The following NRXN3 variants were observed in gnomAD, a reference collection of about 807,000 sequenced individuals.
NRXN3 encodes neurexin III.
NRXN3 carries 32 observed loss-of-function variants against 137.6 expected under a neutral mutation model. That is an observed-to-expected ratio of 0.23 (90% CI 0.18 to 0.31). The LOEUF is 0.31. Among genes scored for constraint, NRXN3 ranks in the 10% least tolerant of loss-of-function variants. The pLI is 1.00. For missense variants in NRXN3, 1,574 were observed against 2,062.5 expected, an observed-to-expected ratio of 0.76 and a Z score of 4.59; for synonymous variants, 798 against 784.5, an observed-to-expected ratio of 1.02 and a Z score of -0.29.
chr14:79,548,485 G>A (rs149271303), intron 16 of NRXN3, among the ~76,000 whole-genome samples: 4,005 of 152,208 alleles, frequency 0.026, 206 homozygotes, highest in East Asian at 0.24. Context: ...TGTGAACAGT[G>A]CTACAATAAA....
intron 15 of NRXN3, among the ~76,000 whole-genome samples, chr14:79,433,270 T>C (rs1183761326): frequency 2.0e-5 from 3 of 152,160 alleles, no homozygotes; most frequent in African/African-American, 7.2e-5. Context: ...AAGATGATTG[T>C]TACAGACTTG....
intron 2 of NRXN3, among the ~76,000 whole-genome samples, chr14:78,245,597 G>A (rs1296986113): frequency 6.6e-6 from 1 of 152,220 alleles, no homozygotes; most frequent in Non-Finnish European, 1.5e-5. Context: ...TGTGCTTGAT[G>A]TGAACCTTAG....
chr14:79,822,331 G>T (rs1407848439), intron 20 of NRXN3, among the ~76,000 whole-genome samples: 1 of 152,160 alleles, frequency 6.6e-6, no homozygotes, highest in Non-Finnish European at 1.5e-5. Flanking sequence ...GGACAATATG[G>T]TGAGTCTGCA....
Position 78,602,794 on chromosome 14 carries a change from A to C in NRXN3, c.758-42326A>C, listed in dbSNP as rs139510671. On this transcript the variant is annotated intron_variant, in intron 4 of 20. Coordinates refer to ENST00000335750, the MANE Select transcript of NRXN3 (RefSeq NM_001330195.2). ...TTGTGTCTTCAGAGTCCTTGATCAG[A>C]GATAACTTGGGGAAAGCTGTGTCTC... 3.6e-3 allele frequency among the ~76,000 whole-genome samples: 545 copies of C among 152,306 alleles called. 4 individuals carry two copies. Among genetic ancestry groups the C allele is most frequent in the African/African-American group, 0.012 (516 of 41,552 alleles).
At chr14:79,075,325 T>G (rs1259588783) in intron 15 of NRXN3, among the ~76,000 whole-genome samples, 1 of 152,204 alleles carries the variant, frequency 6.6e-6, no homozygotes, top group African/African-American at 2.4e-5. Context: ...TGATAAGAAC[T>G]TGAGTTTTGA....
chr14:78,484,534 G>A (rs2095531653), intron 4 of NRXN3, among the ~76,000 whole-genome samples: 1 of 152,054 alleles, frequency 6.6e-6, no homozygotes, highest in African/African-American at 2.4e-5. Flanking sequence ...TGGGGGAGAG[G>A]GGGCCTAGAA....
chr14:78,484,340 T>C (rs1488582945), intron 4 of NRXN3, among the ~76,000 whole-genome samples: 2 of 152,110 alleles, frequency 1.3e-5, no homozygotes, highest in Non-Finnish European at 1.5e-5. Flanking sequence ...CTACTACCCT[T>C]TTGAGAGGCA....
At chr14:79,626,977 A>T (rs1163137413) in intron 16 of NRXN3, among the ~76,000 whole-genome samples, 2 of 152,172 alleles carry the variant, frequency 1.3e-5, no homozygotes, top group African/African-American at 4.8e-5. Context: ...TCTGATCAGA[A>T]ATCTCGGGTG....
intron 10 of NRXN3, among the ~76,000 whole-genome samples, chr14:78,861,659 C>A (rs2099072701): frequency 6.6e-6 from 1 of 152,094 alleles, no homozygotes; most frequent in South Asian, 2.1e-4. Flanking sequence ...GAGAAACCAT[C>A]CATGTTCACT....
chr14:79,445,612 G>A (rs1290383829), intron 15 of NRXN3, among the ~76,000 whole-genome samples: 1 of 152,150 alleles, frequency 6.6e-6, no homozygotes, highest in African/African-American at 2.4e-5. Context: ...AGCTTTTCAG[G>A]AGATCACCCT....
chr14:78,334,445 A>G (rs1050050974), intron 4 of NRXN3, among the ~76,000 whole-genome samples: 1 of 152,010 alleles, frequency 6.6e-6, no homozygotes, highest in Non-Finnish European at 1.5e-5. Context: ...TGAGGTTCAT[A>G]CCTGGATGGG....
intron 15 of NRXN3, among the ~76,000 whole-genome samples, chr14:79,196,652 TATAG>T (rs997182063): frequency 7.7e-6 from 1 of 130,200 alleles, no homozygotes; most frequent in African/African-American, 2.7e-5. Context: ...GATAGATAGA[TATAG>T]ATATAGATTT....
At chr14:78,566,691 A>G (rs1283896894) in intron 4 of NRXN3, among the ~76,000 whole-genome samples, 1 of 151,872 alleles carries the variant, frequency 6.6e-6, no homozygotes, top group Non-Finnish European at 1.5e-5. Context: ...CTCCCATTTT[A>G]TCGAGTCCCT....
At chr14:79,671,464 G>T (rs1227290797) in intron 17 of NRXN3, among the ~76,000 whole-genome samples, 1 of 151,942 alleles carries the variant, frequency 6.6e-6, no homozygotes, top group Non-Finnish European at 1.5e-5. Flanking sequence ...TACATATTTG[G>T]CTTTATCTAT....
rs536399653 is a variant in NRXN3 at position 79,176,630 on chromosome 14, T to G, written c.3262+188489T>G. Reference sequence around the variant, plus strand: ...GTTCAGTCCTCTGCAAATGTACTTATGCTACTTCTTTCTCCTGAATTGCTT... The same window carrying G: ...GTTCAGTCCTCTGCAAATGTACTTAGGCTACTTCTTTCTCCTGAATTGCTT... On this transcript the variant is annotated intron_variant, in intron 15 of 20. Coordinates refer to ENST00000335750, the MANE Select transcript of NRXN3 (RefSeq NM_001330195.2). 2.0e-5 allele frequency among the ~76,000 whole-genome samples: 3 copies of G among 152,366 alleles called. No individual in the cohort carries two copies. In the East Asian group the frequency reaches 5.8e-4, roughly 29 times the overall value.
At chr14:78,538,622 T>C (rs1600131362) in intron 4 of NRXN3, among the ~76,000 whole-genome samples, 1 of 152,230 alleles carries the variant, frequency 6.6e-6, no homozygotes, top group Non-Finnish European at 1.5e-5. Context: ...TCCTGCCTGA[T>C]TGCCCTGGCC....
intron 10 of NRXN3, among the ~76,000 whole-genome samples, chr14:78,941,853 T>A (rs1198464056): frequency 1.3e-5 from 2 of 152,170 alleles, no homozygotes; most frequent in African/African-American, 4.8e-5. Flanking sequence ...ATCTTTGGGA[T>A]TGTCGAGTTA....
intron 4 of NRXN3, among the ~76,000 whole-genome samples, chr14:78,538,244 A>G (rs1242156212): frequency 1.3e-5 from 2 of 152,242 alleles, no homozygotes; most frequent in African/African-American, 4.8e-5. Context: ...CCTATCCATG[A>G]GCATGGAATG....
intron 10 of NRXN3, among the ~76,000 whole-genome samples, chr14:78,887,120 C>A (rs2099146001): frequency 6.6e-6 from 1 of 152,168 alleles, no homozygotes; most frequent in South Asian, 2.1e-4. Flanking sequence ...GCACTAACAA[C>A]TGTGTGCTCG....
Sources: gnomAD v4.1 joint callset for allele counts (sites outside exome capture counted in the v4.1 genomes callset) on GRCh38, gnomAD v4.1.1 for gene constraint, MANE v1.5 for transcripts, NCBI Gene and HGNC (gene_info 2026-07-23, HGNC 2026-07-21) for gene names.